The following TMEM62 variants were observed in gnomAD, a reference collection of about 807,000 sequenced individuals.
TMEM62 encodes the protein transmembrane protein 62.
TMEM62 carries 41 observed loss-of-function variants against 70.4 expected under a neutral mutation model. The ratio of observed to expected loss-of-function variants is 0.58; its 90% CI spans 0.45 to 0.76. TMEM62 has a LOEUF of 0.76. Ranked by LOEUF, TMEM62 falls within the 30% of genes least tolerant of loss-of-function variation. TMEM62 has a pLI of 0.00. For missense variants in TMEM62, 688 were observed against 788.5 expected (o/e 0.87, Z 1.53); for synonymous variants, 268 against 291.0 (o/e 0.92, Z 0.80).
At chr15:43,164,239 C>T (rs2039108975) in intron 10 of TMEM62, among the ~76,000 whole-genome samples, 1 of 152,028 alleles carries the variant, frequency 6.6e-6, no homozygotes, top group African/African-American at 2.4e-5. Flanking sequence ...CTTAAAGGCT[C>T]CATCTCTTAA....
At chr15:43,135,950 A>G (rs1372908102) in intron 3 of TMEM62, among the ~76,000 whole-genome samples, 1 of 152,060 alleles carries the variant, frequency 6.6e-6, no homozygotes. Context: ...ACATAGGTAT[A>G]TATGTGCCAT....
chr15:43,148,686 C>G, intron 5 of TMEM62, 69 bp from the exon 6 acceptor site: 11 of 1,547,560 alleles, frequency 7.1e-6, no homozygotes, highest in Non-Finnish European at 8.7e-6. Flanking sequence ...GAGGAGTTTT[C>G]TAATCTGTTG....
chr15:43,162,876 T>A (rs1811833091), intron 10 of TMEM62, among the ~76,000 whole-genome samples: 1 of 152,050 alleles, frequency 6.6e-6, no homozygotes, highest in African/African-American at 2.4e-5. Flanking sequence ...AGAAGTGAAT[T>A]TCTGGATCAA....
chr15:43,167,729 G>A (rs916145699), intron 10 of TMEM62, among the ~76,000 whole-genome samples: 1 of 152,198 alleles, frequency 6.6e-6, no homozygotes, highest in Non-Finnish European at 1.5e-5. Context: ...GGTGGCGGCC[G>A]GGTAGAGGCT....
intron 10 of TMEM62, among the ~76,000 whole-genome samples, chr15:43,166,074 G>A (rs1240421746): frequency 6.6e-6 from 1 of 152,188 alleles, no homozygotes; most frequent in African/African-American, 2.4e-5. Flanking sequence ...GGCTTTCCAG[G>A]TATTCAAAGA....
At chr15:43,170,133 A>G (rs547055192) in intron 11 of TMEM62, among the ~76,000 whole-genome samples, 23 of 152,272 alleles carry the variant, frequency 1.5e-4, no homozygotes, top group Admixed American at 4.6e-4. Context: ...TCCTGCAGGC[A>G]TTATATCTTG....
chr15:43,160,576 C>A, intron 9 of TMEM62, 105 bp from the exon 10 acceptor site: 1 of 635,002 alleles, frequency 1.6e-6, no homozygotes, highest in African/African-American at 1.9e-5. Flanking sequence ...ACAATAACAA[C>A]AACAACAAAG....
Position 43,133,824 on chromosome 15 carries a change from A to G in TMEM62, c.22A>G (p.Arg8Gly). ...CGGCATGGCTGCAGTGCTGGCTCTC[A>G]GGGTGGTCGCGGGGTTGGCGGCCGC... Reference protein sequence around the residue: MAAVLALRVVAGLAAAAL... With the variant: MAAVLALGVVAGLAAAAL... The change falls in exon 1 of 14, where the codon AGG becomes GGG. Residue 8 changes from arginine (R) to glycine (G), a missense_variant. Physicochemically the swap from Arg to Gly is moderately radical, Grantham distance 125. Coordinates refer to ENST00000260403, the MANE Select transcript of TMEM62 (RefSeq NM_024956.4). The G allele has an allele frequency of 6.9e-7, 1 of 1,447,898 alleles. No homozygotes were observed. Among genetic ancestry groups the G allele is most frequent in the Non-Finnish European group, 9.0e-7 (1 of 1,107,192 alleles). 89.7% of individuals were successfully genotyped at this position (1,447,898 alleles called of 1,614,324 possible). A position where few individuals can be genotyped will look rare whatever the true frequency, so the allele number is the denominator to read the frequency against.
At chr15:43,180,494 T>C (rs890176683) in intron 12 of TMEM62, among the ~76,000 whole-genome samples, 1 of 152,118 alleles carries the variant, frequency 6.6e-6, no homozygotes, top group Non-Finnish European at 1.5e-5. Flanking sequence ...GACACTCTTA[T>C]GGAGACCAGC....
rs1228436626 is a variant in TMEM62, at chr15:43,142,659, GT to G, written c.477-3825del. Among the ~76,000 whole-genome samples, 5 of 149,960 alleles carry G rather than the reference GT, an allele frequency of 3.3e-5. No individual in the cohort carries two copies. In the East Asian group the frequency reaches 7.8e-4, roughly 24 times the overall value. ...GATCATTAGCATTTTTAGCAGTAAG[GT>G]TTTTTTTTGTTTTTTTGGTTTTTTT... On this transcript the variant is annotated intron_variant, in intron 4 of 13. Transcript: ENST00000260403.
At chr15:43,167,043 C>G (rs1032235753) in intron 10 of TMEM62, among the ~76,000 whole-genome samples, 4 of 152,226 alleles carry the variant, frequency 2.6e-5, no homozygotes, top group African/African-American at 9.6e-5. Flanking sequence ...TCTCAATGAG[C>G]TGTTGGGTAC....
rs1051678355 is a variant in TMEM62 at position 43,170,987 on chromosome 15, G to C, written c.1381+1310G>C. Among the ~76,000 whole-genome samples, 19 of 152,334 alleles carry C rather than the reference G, an allele frequency of 1.2e-4. 1 individual carries two copies. Among genetic ancestry groups the C allele is most frequent in the Non-Finnish European group, 2.1e-4 (14 of 68,034 alleles). Reference sequence around the variant, plus strand: ...CTGGCCTATAAACTCTAAAGCTGCAGTTCAGAAGATGCTTGAAAATTAAAT... The same window carrying C: ...CTGGCCTATAAACTCTAAAGCTGCACTTCAGAAGATGCTTGAAAATTAAAT... On this transcript the variant is annotated intron_variant, in intron 11 of 13. Coordinates refer to ENST00000260403, the MANE Select transcript of TMEM62 (RefSeq NM_024956.4).
intron 10 of TMEM62, among the ~76,000 whole-genome samples, chr15:43,168,579 G>A (rs1236825721): frequency 6.6e-6 from 1 of 152,132 alleles, no homozygotes; most frequent in Non-Finnish European, 1.5e-5. Flanking sequence ...TACTGTGGCT[G>A]AGCTGGTACC....
At position 43,154,704 on chromosome 15, in the gene TMEM62, C is replaced by T. The variant is rs1255198487; in HGVS notation, c.1055C>T (p.Ser352Phe). The change falls in exon 9 of 14, where the codon TCT becomes TTT. Residue 352 changes from serine (S) to phenylalanine (F), a missense_variant. Ser to Phe is a radical substitution (Grantham distance 155). Coordinates refer to ENST00000260403, the MANE Select transcript of TMEM62 (RefSeq NM_024956.4). ...VLAFSLSSIT[S>F]VTVKIDGVHL... ...GCCTTTTCCTTATCCTCCATTACTT[C>T]TGTCACAGTTAAGATTGATGGAGTT... The T allele has an allele frequency of 1.9e-6, 3 of 1,612,270 alleles. No homozygotes were observed. The highest frequency in any genetic ancestry group is 1.3e-5 in the African/African-American group (1 of 74,790).
rs979431784 is a variant in TMEM62 at position 43,167,732 on chromosome 15, T to C, written c.1297-1861T>C. ...CTTCCCAGACGGGGTGGCGGCCGGGTAGAGGCTGCAATCTCGGCACTTTGG... is the reference window on the plus strand; with the variant it reads ...CTTCCCAGACGGGGTGGCGGCCGGGCAGAGGCTGCAATCTCGGCACTTTGG... On this transcript the variant is annotated intron_variant, in intron 10 of 13. Coordinates refer to ENST00000260403, the MANE Select transcript of TMEM62 (RefSeq NM_024956.4). Among the ~76,000 whole-genome samples, 81 of 151,688 alleles carry C rather than the reference T, an allele frequency of 5.3e-4. 1 individual carries two copies. The highest frequency in any genetic ancestry group is 4.4e-5 in the Non-Finnish European group (3 of 67,938).
intron 2 of TMEM62, among the ~76,000 whole-genome samples, chr15:43,135,093 C>T (rs1178210159): frequency 6.6e-6 from 1 of 152,180 alleles, no homozygotes; most frequent in Non-Finnish European, 1.5e-5. Flanking sequence ...TTGCTTCTTG[C>T]TGTAAAAATA....
intron 10 of TMEM62, among the ~76,000 whole-genome samples, chr15:43,166,832 T>C (rs1334890761): frequency 6.6e-6 from 1 of 152,204 alleles, no homozygotes; most frequent in Non-Finnish European, 1.5e-5. Flanking sequence ...ACCACATGTT[T>C]CAGAGAGCAC....
chr15:43,133,546 T>C (rs1197741068), upstream of TMEM62: 2 of 346,608 alleles, frequency 5.8e-6, no homozygotes, highest in Admixed American at 4.8e-5. Flanking sequence ...TTCGGTTCTC[T>C]TTTCTGTGAT....
intron 11 of TMEM62, among the ~76,000 whole-genome samples, chr15:43,172,816 C>T (rs1317759001): frequency 6.6e-6 from 1 of 151,938 alleles, no homozygotes; most frequent in African/African-American, 2.4e-5. Context: ...AAAATAAAAA[C>T]ATATAGACTA....
Sources: gnomAD v4.1 joint callset for allele counts (sites outside exome capture counted in the v4.1 genomes callset) on GRCh38, gnomAD v4.1.1 for gene constraint, MANE v1.5 for transcripts, NCBI Gene and HGNC (gene_info 2026-07-23, HGNC 2026-07-21) for gene names.